Variants in COPS2 observed in about 807,000 individuals in gnomAD.
COPS2 encodes COP9 signalosome subunit 2.
In COPS2, 10 loss-of-function variants were observed where a neutral mutation model predicts 66.1. That is an observed-to-expected ratio of 0.15 (90% confidence interval 0.09 to 0.26). The LOEUF is 0.26. COPS2 is among the 10% of genes least tolerant of loss of function. COPS2 has a pLI of 1.00. For synonymous variants in COPS2, 179 were observed against 171.3 expected (o/e 1.04, Z -0.35); for missense variants, 215 against 513.3 (o/e 0.42, Z 5.62).
chr15:49,141,013 A>G (rs77760583), intron 3 of COPS2, among the ~76,000 whole-genome samples: 2,665 of 152,186 alleles, frequency 0.018, 97 homozygotes, highest in African/African-American at 0.062. Context: ...GGATAGAACT[A>G]TGGAAATATA....
At chr15:49,145,233 T>G (rs2084313406) in intron 1 of COPS2, among the ~76,000 whole-genome samples, 155 bp from the exon 2 acceptor site, 1 of 152,192 alleles carries the variant, frequency 6.6e-6, no homozygotes, top group South Asian at 2.1e-4. Flanking sequence ...GATATTCAAC[T>G]GTTATATAAA....
intron 3 of COPS2, among the ~76,000 whole-genome samples, chr15:49,143,802 T>A (rs2084303610): frequency 6.6e-6 from 1 of 151,918 alleles, no homozygotes; most frequent in East Asian, 1.9e-4. Context: ...CTGGCTAACA[T>A]GGTGAAAGCC....
At position 49,134,512 on chromosome 15, in the gene COPS2, A is replaced by C; in HGVS notation, c.543T>G (p.Thr181=). 1.2e-6 allele frequency: 2 copies of C among 1,602,928 alleles called. No individual in the cohort carries two copies. The highest frequency in any genetic ancestry group is 8.5e-7 in the Non-Finnish European group (1 of 1,175,308). Residue 181 remains threonine, a splice_region_variant and synonymous_variant, in exon 7 of 13, where the codon ACT becomes ACG. Transcript: ENST00000388901. ...ILRQLHQSCQ[T]DDGEDDLKKG... is the part of the protein sequence containing the mutation. ...TTTTCAGATCATCTTCTCCATCATC[A>C]GTCTAGGAAAGCAAATATTTAACTT... is the stretch of plus-strand genomic sequence containing the variant.
chr15:49,145,832 A>G (rs555929271), intron 1 of COPS2, among the ~76,000 whole-genome samples: 1 of 152,274 alleles, frequency 6.6e-6, no homozygotes, highest in African/African-American at 2.4e-5. Context: ...AGGACATTCA[A>G]CCTAATAATG....
intron 3 of COPS2, among the ~76,000 whole-genome samples, chr15:49,139,912 T>C (rs1245754346): frequency 1.3e-5 from 2 of 152,206 alleles, no homozygotes; most frequent in Admixed American, 6.5e-5. Flanking sequence ...ATTTCAGAAA[T>C]TGTCATTGCA....
At position 49,122,949 on chromosome 15, in the gene COPS2, C is replaced by T. The variant is rs1416046122; in HGVS notation, c.*5001G>A. 1 of 152,150 alleles carries T rather than the reference C, an allele frequency of 6.6e-6. No homozygotes were observed. Among genetic ancestry groups the T allele is most frequent in the Non-Finnish European group, 1.5e-5 (1 of 68,004 alleles). 9.4% of individuals were successfully genotyped at this position (152,150 alleles called of 1,614,324 possible). On this transcript the variant is annotated 3_prime_UTR_variant, in exon 13 of 13. Transcript: ENST00000388901. ...TAGTGTTAGCTCAAGGAATTTGATA[C>T]CTTTTATATTAGCTTATCATAAACA...
rs1050159585 is a variant in COPS2, at chr15:49,134,611, C to A, written c.541-97G>T. 10 of 980,008 alleles carry A rather than the reference C, an allele frequency of 1.0e-5. No individual in the cohort carries two copies. In the South Asian group the frequency reaches 1.6e-4, roughly 16 times the overall value. 60.7% of individuals were successfully genotyped at this position (980,008 alleles called of 1,614,324 possible). On this transcript the variant is annotated intron_variant, in intron 6 of 12. Coordinates refer to ENST00000388901, the MANE Select transcript of COPS2 (RefSeq NM_004236.4). ...AATCTTACATTTATAATACTATTTCCATGTGAAAACACAACACAAATTTTA... is the reference window on the plus strand; with the variant it reads ...AATCTTACATTTATAATACTATTTCAATGTGAAAACACAACACAAATTTTA...
chr15:49,149,669 G>A (rs757636805), intron 1 of COPS2, among the ~76,000 whole-genome samples: 24 of 152,240 alleles, frequency 1.6e-4, no homozygotes, highest in South Asian at 1.5e-3. Context: ...CTGGAATGTC[G>A]CTACTGCTGA....
rs527406154 is a variant in COPS2 at position 49,126,567 on chromosome 15, CTTCCT to C, written c.*1378_*1382del. 327 of 152,528 alleles carry C rather than the reference CTTCCT, an allele frequency of 2.1e-3. 1 individual carries two copies. The highest frequency in any genetic ancestry group is 7.6e-3 in the African/African-American group (314 of 41,552). 9.4% of individuals were successfully genotyped at this position (152,528 alleles called of 1,614,324 possible). On this transcript the variant is annotated 3_prime_UTR_variant, in exon 13 of 13. Transcript: ENST00000388901. ...CAAAGAAATTATGTTAATCCTAGTT[CTTCCT>C]TTCGACACTATAAAATAATGTGAAC...
At chr15:49,144,584 C>A (rs1036431223) in intron 2 of COPS2, among the ~76,000 whole-genome samples, 1 of 152,086 alleles carries the variant, frequency 6.6e-6, no homozygotes, top group Non-Finnish European at 1.5e-5. Flanking sequence ...CCTGAATAAC[C>A]AACCTATGGT....
At chr15:49,152,100 AC>A (rs1264361063) in intron 1 of COPS2, among the ~76,000 whole-genome samples, 1 of 151,780 alleles carries the variant, frequency 6.6e-6, no homozygotes. Flanking sequence ...TTTCCAAAAA[AC>A]AATACATTTT....
At position 49,137,391 on chromosome 15, in the gene COPS2, T is replaced by C; in HGVS notation, c.419A>G (p.Lys140Arg). 1 of 1,612,808 alleles carries C rather than the reference T, an allele frequency of 6.2e-7. No individual in the cohort carries two copies. Among genetic ancestry groups the C allele is most frequent in the Non-Finnish European group, 8.5e-7 (1 of 1,179,124 alleles). Residue 140 changes from lysine (K) to arginine (R), a missense_variant, in exon 5 of 13, where the codon AAA (lysine) becomes AGA (arginine). By Grantham distance (26) the Lys-to-Arg change is conservative. Around this residue, in one of 5 missense-constraint regions of COPS2, gnomAD observed 90 missense variants for 225.1 expected, o/e 0.40. Transcript: ENST00000388901. Reference sequence around the variant, plus strand: ...CCACAGTCTATCATTCTTAGCATCTTTCAAAGCTTCCAGTGTTGTTTCATA... The same window carrying C: ...CCACAGTCTATCATTCTTAGCATCTCTCAAAGCTTCCAGTGTTGTTTCATA... ...EFYETTLEAL[K>R]DAKNDRLWFK...
chr15:49,137,519 T>G, intron 4 of COPS2, 82 bp from the exon 5 acceptor site: 2 of 1,001,180 alleles, frequency 2.0e-6, no homozygotes, highest in South Asian at 1.3e-5. Context: ...AAACTAAAAG[T>G]GCATCTTTGA....
chr15:49,132,150 A>G (rs975358744), intron 9 of COPS2, among the ~76,000 whole-genome samples: 2 of 152,174 alleles, frequency 1.3e-5, no homozygotes, highest in South Asian at 4.1e-4. Context: ...ATTTAACATT[A>G]TAAACAACTT....
intron 6 of COPS2, 22 bp downstream of exon 6, chr15:49,137,128 G>GA: frequency 2.7e-6 from 4 of 1,493,076 alleles, no homozygotes; most frequent in Non-Finnish European, 2.7e-6. Flanking sequence ...GAAATATTCA[G>GA]AAAAAAATAA....
At chr15:49,144,883 G>T in intron 2 of COPS2, 82 bp downstream of exon 2, 1 of 740,548 alleles carries the variant, frequency 1.4e-6, no homozygotes, top group Non-Finnish European at 2.2e-6. Flanking sequence ...ACATTTCTGA[G>T]ATAAAATCAC....
Position 49,137,140 on chromosome 15 carries a change from G to C in COPS2, c.540+10C>G, listed in dbSNP as rs964006715. 6.5e-7 allele frequency: 1 copy of C among 1,543,890 alleles called. No individual in the cohort carries two copies. The highest frequency in any genetic ancestry group is 8.7e-7 in the Non-Finnish European group (1 of 1,143,600). On this transcript the variant is annotated intron_variant, in intron 6 of 12. Transcript: ENST00000388901. ...GAAGAAATATTCAGAAAAAAATAAG[G>C]GAAAGCTACCTGGCACGACTGATGT...
At chr15:49,144,114 T>C in intron 3 of COPS2, 113 bp downstream of exon 3, 2 of 739,160 alleles carry the variant, frequency 2.7e-6, no homozygotes, top group Non-Finnish European at 4.7e-6. Context: ...AGACTAAATA[T>C]AAAAACACAT....
chr15:49,123,910 T>A lies in COPS2; in HGVS notation c.*4040A>T, dbSNP rs1490325159. The A allele has an allele frequency of 2.0e-5, 3 of 152,318 alleles. 1 individual carries two copies. Among genetic ancestry groups the A allele is most frequent in the African/African-American group, 4.8e-5 (2 of 41,574 alleles). 9.4% of individuals were successfully genotyped at this position (152,318 alleles called of 1,614,324 possible). Reference sequence around the variant, plus strand: ...TTAGCATTTTGAGAAACATGTAGAATCACTAGTTGACAGTTTAAATTTGTG... The same window carrying A: ...TTAGCATTTTGAGAAACATGTAGAAACACTAGTTGACAGTTTAAATTTGTG... On this transcript the variant is annotated 3_prime_UTR_variant, in exon 13 of 13. Transcript: ENST00000388901.
Sources: gnomAD v4.1 joint callset for allele counts (sites outside exome capture counted in the v4.1 genomes callset) on GRCh38, gnomAD v4.1.1 for gene constraint, gnomAD v4.1.1 regional missense constraint, MANE v1.5 for transcripts, NCBI Gene and HGNC (gene_info 2026-07-23, HGNC 2026-07-21) for gene names.